The following CNTN4 variants were observed in gnomAD, a reference collection of about 807,000 sequenced individuals.
CNTN4 encodes the protein contactin 4.
A neutral mutation model predicts 122.5 loss-of-function variants in CNTN4; 77 were observed. That is an observed-to-expected ratio of 0.63 (90% confidence interval 0.52 to 0.76). CNTN4 has a LOEUF of 0.76. CNTN4 is among the 30% of genes least tolerant of loss of function. The pLI, the probability that CNTN4 is intolerant of heterozygous loss-of-function variation, is 0.00. For missense variants in CNTN4, 1,256 were observed against 1,259.1 expected, an observed-to-expected ratio of 1.00 and a Z score of 0.04; for synonymous variants, 512 against 447.0, an observed-to-expected ratio of 1.15 and a Z score of -1.83.
chr3:2,468,305 C>T (rs1397585324), intron 3 of CNTN4, among the ~76,000 whole-genome samples: 1 of 152,074 alleles, frequency 6.6e-6, no homozygotes, highest in Non-Finnish European at 1.5e-5. Flanking sequence ...CCTCGAGACC[C>T]ATGAAATTGC....
chr3:3,013,243 G>A (rs750821716), intron 14 of CNTN4, among the ~76,000 whole-genome samples: 5 of 152,118 alleles, frequency 3.3e-5, no homozygotes, highest in Non-Finnish European at 5.9e-5. Context: ...GCTCAGAGAC[G>A]TCGAATGACT....
chr3:2,348,742 A>C (rs1397515385), intron 3 of CNTN4, among the ~76,000 whole-genome samples: 4 of 152,198 alleles, frequency 2.6e-5, no homozygotes, highest in African/African-American at 9.6e-5. Context: ...AAAATTATTC[A>C]AGTTGCATTA....
Position 2,628,618 on chromosome 3 carries a change from G to A in CNTN4, c.55+57060G>A, listed in dbSNP as rs17017515. ...TTTTCTTTTCTAGTTGCCTTTATCC[G>A]TGTCGGTGAAATGAGAACAAAGCTC... On this transcript the variant is annotated intron_variant, in intron 4 of 24. Transcript: ENST00000418658. 4.7e-3 allele frequency among the ~76,000 whole-genome samples: 716 copies of A among 152,192 alleles called. 7 individuals carry two copies. Among genetic ancestry groups the A allele is most frequent in the African/African-American group, 0.016 (675 of 41,518 alleles).
intron 8 of CNTN4, among the ~76,000 whole-genome samples, chr3:2,871,408 G>A (rs2093782810): frequency 6.6e-6 from 1 of 152,128 alleles, no homozygotes; most frequent in African/African-American, 2.4e-5. Context: ...TAATGACAGG[G>A]AAAAGTGGAA....
At chr3:2,955,291 T>G (rs991484165) in intron 13 of CNTN4, among the ~76,000 whole-genome samples, 1 of 152,196 alleles carries the variant, frequency 6.6e-6, no homozygotes, top group Non-Finnish European at 1.5e-5. Flanking sequence ...ACCTAAATCT[T>G]ATTTATTAGC....
intron 3 of CNTN4, among the ~76,000 whole-genome samples, chr3:2,403,699 A>G (rs954957342): frequency 3.3e-5 from 5 of 152,194 alleles, no homozygotes; most frequent in African/African-American, 9.7e-5. Context: ...TTGAACTACA[A>G]AGAACTTTCA....
At chr3:3,031,827 C>A (rs1251380427) in intron 16 of CNTN4, among the ~76,000 whole-genome samples, 1 of 152,178 alleles carries the variant, frequency 6.6e-6, no homozygotes, top group Non-Finnish European at 1.5e-5. Context: ...GAATCCCTGA[C>A]TGTTGGTGTT....
In CNTN4 at chr3:3,042,301, C is replaced by A; in HGVS notation, c.2399-9C>A. The A allele has an allele frequency of 6.3e-7, 1 of 1,591,500 alleles. No individual in the cohort carries two copies. Among genetic ancestry groups the A allele is most frequent in the Non-Finnish European group, 8.6e-7 (1 of 1,159,384 alleles). On this transcript the variant is annotated splice_polypyrimidine_tract_variant and intron_variant, in intron 20 of 24. Transcript: ENST00000418658. ...ATAGAGTAATAACTATCTCCATATTCATCTACAGAACCCACCAAACCACCA... is the reference window on the plus strand; with the variant it reads ...ATAGAGTAATAACTATCTCCATATTAATCTACAGAACCCACCAAACCACCA...
intron 2 of CNTN4, among the ~76,000 whole-genome samples, chr3:2,189,048 G>C (rs1202276496): frequency 1.3e-5 from 2 of 152,098 alleles, no homozygotes; most frequent in African/African-American, 4.8e-5. Flanking sequence ...TAATTCTGTG[G>C]AATTCAGAAA....
intron 4 of CNTN4, among the ~76,000 whole-genome samples, chr3:2,625,060 G>A (rs1224920028): frequency 6.6e-6 from 1 of 152,166 alleles, no homozygotes; most frequent in Admixed American, 6.5e-5. Context: ...GGGATGTGGT[G>A]AAGGCTAAAT....
chr3:2,637,363 T>G (rs2082705893), intron 4 of CNTN4, among the ~76,000 whole-genome samples: 1 of 152,176 alleles, frequency 6.6e-6, no homozygotes, highest in Non-Finnish European at 1.5e-5. Flanking sequence ...AAAAGCAAAA[T>G]GGATTCTGAT....
intron 4 of CNTN4, among the ~76,000 whole-genome samples, chr3:2,613,269 T>A (rs1366627534): frequency 1.3e-5 from 2 of 152,104 alleles, no homozygotes; most frequent in African/African-American, 4.8e-5. Context: ...CCAAACTGTT[T>A]CTTCTCGCTT....
chr3:2,366,484 T>C (rs1032955256), intron 3 of CNTN4, among the ~76,000 whole-genome samples: 8 of 152,056 alleles, frequency 5.3e-5, no homozygotes, highest in African/African-American at 1.4e-4. Flanking sequence ...TCCCAGCACT[T>C]TGGGAGGCCG....
chr3:2,669,082 G>A (rs1213506297), intron 4 of CNTN4, among the ~76,000 whole-genome samples: 1 of 152,140 alleles, frequency 6.6e-6, no homozygotes, highest in Non-Finnish European at 1.5e-5. Flanking sequence ...CCAGGCTTTG[G>A]TATCAGGATG....
intron 3 of CNTN4, among the ~76,000 whole-genome samples, chr3:2,523,624 T>C (rs1362411955): frequency 6.6e-6 from 1 of 151,978 alleles, no homozygotes; most frequent in Admixed American, 6.6e-5. Context: ...AAGGTTACCC[T>C]CTGTAAGAAA....
rs1246822250 is a variant in CNTN4, at chr3:2,841,270, T to G, written c.454+21689T>G. On this transcript the variant is annotated intron_variant, in intron 7 of 24. Transcript: ENST00000418658. This position sits in a 1 kb window ranked among gnomAD's most constrained non-coding sequence, Gnocchi z 4.8. The stretch of plus-strand genomic sequence containing the variant: ...ACCCAGTTTTTCAGATGTGTTAATA[T>G]ATAGTGCAAAGTTTCCAATGTAGTT... 6.6e-6 allele frequency among the ~76,000 whole-genome samples: 1 copy of G among 152,206 alleles called. No individual in the cohort carries two copies. The highest frequency in any genetic ancestry group is 2.4e-5 in the African/African-American group (1 of 41,456).
chr3:2,244,245 C>G (rs2040056478), intron 2 of CNTN4, among the ~76,000 whole-genome samples: 1 of 152,044 alleles, frequency 6.6e-6, no homozygotes, highest in Non-Finnish European at 1.5e-5. Context: ...GTTTCTCTCT[C>G]TGTGTGTCTC....
At chr3:2,698,112 A>G (rs1457918704) in intron 4 of CNTN4, among the ~76,000 whole-genome samples, 3 of 152,238 alleles carry the variant, frequency 2.0e-5, no homozygotes, top group African/African-American at 4.8e-5. Flanking sequence ...AGTAACTACT[A>G]TAGTTGCTCA....
chr3:2,307,620 T>TA (rs1470445210), intron 2 of CNTN4, among the ~76,000 whole-genome samples: 132 of 152,128 alleles, frequency 8.7e-4, no homozygotes, highest in African/African-American at 3.1e-3. Context: ...AGTGTTTTTT[T>TA]ATCATGGAAG....
Sources: allele counts gnomAD v4.1 joint callset (sites outside exome capture counted in the v4.1 genomes callset), GRCh38; gene constraint gnomAD v4.1.1; non-coding constraint Gnocchi (gnomAD v3.1); transcripts MANE v1.5; gene names NCBI Gene and HGNC (gene_info 2026-07-23, HGNC 2026-07-21).